LINGO2: variants seen among roughly 807,000 people sequenced by gnomAD.
LINGO2 encodes leucine-rich repeat and immunoglobulin-like domain-containing nogo receptor-interacting protein 2.
A neutral mutation model predicts 30.6 loss-of-function variants in LINGO2; 14 were observed. That is an observed-to-expected ratio of 0.46 (90% CI 0.30 to 0.72). The LOEUF is 0.72. LINGO2 is among the 30% of genes least tolerant of loss of function. LINGO2 has a pLI of 0.07. For missense variants in LINGO2, 729 were observed against 751.7 expected (o/e 0.97, Z 0.35); for synonymous variants, 317 against 288.5 (o/e 1.10, Z -1.00).
chr9:29,087,400 T>C, the LINGO2 span, among the ~76,000 whole-genome samples: 1 of 152,206 alleles, frequency 6.6e-6, no homozygotes, highest in Admixed American at 6.5e-5. Context: ...TTGATGCTGA[T>C]ATTGATTTAT....
chr9:28,174,921 T>TGTGTGTGAGAGA (rs962695032), intron 4 of LINGO2, among the ~76,000 whole-genome samples: 1 of 133,306 alleles, frequency 7.5e-6, no homozygotes, highest in African/African-American at 2.8e-5. Context: ...TGTGTGTGTG[T>TGTGTGTGAGAGA]GAGAGAGAGA....
At chr9:27,979,885 T>C (rs1412676372) in intron 5 of LINGO2, among the ~76,000 whole-genome samples, 2 of 152,022 alleles carry the variant, frequency 1.3e-5, no homozygotes, top group Non-Finnish European at 2.9e-5. Context: ...ATGTAAATGA[T>C]AACTGAGAAA....
At chr9:28,705,309 G>T in the LINGO2 span, among the ~76,000 whole-genome samples, 2 of 152,018 alleles carry the variant, frequency 1.3e-5, no homozygotes, top group African/African-American at 2.4e-5. Flanking sequence ...TAAGATGTTA[G>T]GGGAAGACAA....
At chr9:28,128,573 G>T (rs1827301041) in intron 4 of LINGO2, among the ~76,000 whole-genome samples, 1 of 152,114 alleles carries the variant, frequency 6.6e-6, no homozygotes, top group African/African-American at 2.4e-5. Flanking sequence ...AGCTAAAGTT[G>T]GATAAGGGCT....
intron 3 of LINGO2, among the ~76,000 whole-genome samples, chr9:28,336,754 A>T (rs2134369250): frequency 6.6e-6 from 1 of 152,196 alleles, no homozygotes; most frequent in East Asian, 1.9e-4. Context: ...TGGTTGTGAT[A>T]AGCTGTTCGT....
At chr9:28,814,362 G>A in the LINGO2 span, among the ~76,000 whole-genome samples, 22 of 152,184 alleles carry the variant, frequency 1.4e-4, no homozygotes, top group African/African-American at 4.6e-4. Context: ...ACTTGAACCC[G>A]GGAGGCGGAG....
At chr9:29,075,349 CTT>C in the LINGO2 span, among the ~76,000 whole-genome samples, 1 of 152,132 alleles carries the variant, frequency 6.6e-6, no homozygotes. Context: ...TAAACATTCT[CTT>C]TTCATTCTTT....
rs1827900626 is a variant in LINGO2, at chr9:28,148,985, C to G, written c.-86-136580G>C. The G allele has an allele frequency of 2.9e-5, 45 of 1,534,280 alleles. No homozygotes were observed. The highest frequency in any genetic ancestry group is 3.9e-5 in the Non-Finnish European group (45 of 1,146,800). On this transcript the variant is annotated intron_variant, in intron 4 of 5. Transcript: ENST00000379992. The surrounding 1 kb of genome is among the most constrained non-coding windows in gnomAD (Gnocchi z 5.1). ...AAAACTGTCGGGGCCACCGCTGCAG[C>G]TGCAACCGACCCCTCCCCTGCAACT...
rs761647759 is a variant in LINGO2 at position 28,050,910 on chromosome 9, T to A, written c.-86-38505A>T. Among the ~76,000 whole-genome samples the A allele has an allele frequency of 4.0e-5, 6 of 151,040 alleles. 1 individual carries two copies. The highest frequency in any genetic ancestry group is 9.8e-5 in the African/African-American group (4 of 40,854). On this transcript the variant is annotated intron_variant, in intron 4 of 5. Coordinates refer to ENST00000379992, the Ensembl canonical transcript of LINGO2. Reference sequence around the variant, plus strand: ...AATACCATTAATCTACAGATGAGTTTTTTCAAAATATTGAAAACACACTGT... The same window carrying A: ...AATACCATTAATCTACAGATGAGTTATTTCAAAATATTGAAAACACACTGT...
the LINGO2 span, among the ~76,000 whole-genome samples, chr9:28,802,280 AT>A: frequency 6.6e-6 from 1 of 152,042 alleles, no homozygotes; most frequent in East Asian, 1.9e-4. Context: ...GATTTCTATA[AT>A]TTAAAATCTA....
chr9:28,649,002 C>T (rs1482804058), intron 1 of LINGO2, among the ~76,000 whole-genome samples: 1 of 152,086 alleles, frequency 6.6e-6, no homozygotes, highest in East Asian at 1.9e-4. Context: ...TCCCCAGATA[C>T]TCTGAGAGTT....
intron 2 of LINGO2, among the ~76,000 whole-genome samples, chr9:28,432,731 A>T (rs1409491136): frequency 6.6e-6 from 1 of 152,108 alleles, no homozygotes; most frequent in African/African-American, 2.4e-5. Flanking sequence ...ATGTTATAAG[A>T]TACATTTTGT....
intron 3 of LINGO2, among the ~76,000 whole-genome samples, chr9:28,336,395 C>T (rs1184963472): frequency 6.6e-6 from 1 of 152,098 alleles, no homozygotes. Flanking sequence ...CAGTATCATT[C>T]ACAGAACAAA....
At chr9:28,187,710 G>T (rs1409656943) in intron 4 of LINGO2, among the ~76,000 whole-genome samples, 2 of 152,150 alleles carry the variant, frequency 1.3e-5, no homozygotes, top group African/African-American at 4.8e-5. Context: ...TTAAACTTGA[G>T]AAGGACAGAG....
At chr9:28,873,856 A>G in the LINGO2 span, among the ~76,000 whole-genome samples, 2 of 152,130 alleles carry the variant, frequency 1.3e-5, no homozygotes, top group South Asian at 4.1e-4. Flanking sequence ...CCTCATTTAC[A>G]TTCCACCATA....
the LINGO2 span, among the ~76,000 whole-genome samples, chr9:28,675,623 T>A: frequency 6.6e-6 from 1 of 151,630 alleles, no homozygotes; most frequent in Non-Finnish European, 1.5e-5. Context: ...GTAATCCTAG[T>A]ACTTTGGGAG....
downstream of LINGO2, among the ~76,000 whole-genome samples, chr9:27,947,012 A>T (rs888464764): frequency 6.6e-6 from 1 of 151,924 alleles, no homozygotes; most frequent in South Asian, 2.1e-4. Flanking sequence ...TTGAATGTCA[A>T]CCCGCCAATC....
chr9:28,080,612 G>T (rs1825746959), intron 4 of LINGO2: 1 of 152,122 alleles, frequency 6.6e-6, no homozygotes, highest in African/African-American at 2.4e-5. Context: ...AAATTATTTT[G>T]TTTGTTTCTT....
chr9:28,626,194 T>G (rs1158743734), intron 1 of LINGO2, among the ~76,000 whole-genome samples: 2 of 152,176 alleles, frequency 1.3e-5, no homozygotes, highest in Non-Finnish European at 2.9e-5. Flanking sequence ...CCTTTTCATG[T>G]GCTTGTTAGC....
Sources: gnomAD v4.1 joint callset for allele counts (sites outside exome capture counted in the v4.1 genomes callset) on GRCh38, gnomAD v4.1.1 for gene constraint, Gnocchi (gnomAD v3.1) non-coding constraint, MANE v1.5 for transcripts, NCBI Gene and HGNC (gene_info 2026-07-23, HGNC 2026-07-21) for gene names.